The following ADARB1 variants were observed in gnomAD, a reference collection of about 807,000 sequenced individuals.
ADARB1 encodes the protein double-stranded RNA-specific editase 1.
ADARB1 carries 10 observed loss-of-function variants against 52.4 expected under a neutral mutation model. That is an observed-to-expected ratio of 0.19 (90% confidence interval 0.12 to 0.32). ADARB1 has a LOEUF of 0.32. Among genes scored for constraint, ADARB1 ranks in the 10% least tolerant of loss-of-function variants. ADARB1 has a pLI of 1.00. For synonymous variants in ADARB1, 349 were observed against 371.1 expected, an observed-to-expected ratio of 0.94 and a Z score of 0.68; for missense variants, 643 against 922.3, an observed-to-expected ratio of 0.70 and a Z score of 3.92.
At chr21:45,184,423 T>C (rs2092030810) in intron 7 of ADARB1, 1 of 197,022 alleles carries the variant, frequency 5.1e-6, no homozygotes, top group African/African-American at 2.4e-5. Flanking sequence ...GTTTGTGTTA[T>C]GTCCTTCCTA....
Position 45,205,262 on chromosome 21 carries a change from A to AAAAG in ADARB1, c.1747+550_1747+553dup, listed in dbSNP as rs3838132. Among the ~76,000 whole-genome samples, 1,154 of 151,630 alleles carry AAAAG rather than the reference A, an allele frequency of 7.6e-3. 8 individuals are homozygous for AAAAG. Among genetic ancestry groups the AAAAG allele is most frequent in the African/African-American group, 0.013 (552 of 41,168 alleles). On this transcript the variant is annotated intron_variant, in intron 9 of 10. Transcript: ENST00000348831. ...GACAACAGAGTGAGACCCTGTCTTT[A>AAAAG]AAAGAAAGAAAGAAAGAAAGAAAGA...
At chr21:45,085,460 G>T (rs2086303141) in intron 1 of ADARB1, among the ~76,000 whole-genome samples, 1 of 152,110 alleles carries the variant, frequency 6.6e-6, no homozygotes, top group African/African-American at 2.4e-5. Flanking sequence ...AGAAACTTCA[G>T]CGCCGTGGCT....
chr21:45,159,218 A>T (rs1184166250), intron 2 of ADARB1, among the ~76,000 whole-genome samples: 1 of 152,152 alleles, frequency 6.6e-6, no homozygotes, highest in Non-Finnish European at 1.5e-5. Flanking sequence ...GAACAAAGGG[A>T]CGTCTTATAT....
chr21:45,095,148 C>T (rs1454962480), intron 1 of ADARB1, among the ~76,000 whole-genome samples: 1 of 152,240 alleles, frequency 6.6e-6, no homozygotes, highest in Admixed American at 6.5e-5. Flanking sequence ...AACTAGCCAA[C>T]CTCTTGGATT....
rs2092946489 is a variant in ADARB1, at chr21:45,220,627, G to A, written c.1748-209G>A. 6.6e-6 allele frequency among the ~76,000 whole-genome samples: 1 copy of A among 152,224 alleles called. No individual in the cohort carries two copies. Among genetic ancestry groups the A allele is most frequent in the Non-Finnish European group, 1.5e-5 (1 of 68,050 alleles). On this transcript the variant is annotated intron_variant, in intron 9 of 10. Coordinates refer to ENST00000348831, the MANE Select transcript of ADARB1 (RefSeq NM_001112.4). This position sits in a 1 kb window ranked among gnomAD's most constrained non-coding sequence, Gnocchi z 6.3. ...CCCGTGGGTCAGTTCTGCTTTCTCA[G>A]CACTGCTCCTATTCTGGTGGCCGTG... is the stretch of plus-strand genomic sequence containing the variant.
intron 7 of ADARB1, chr21:45,184,688 C>G (rs1285632168): frequency 2.4e-6 from 1 of 412,620 alleles, no homozygotes; most frequent in African/African-American, 2.0e-5. Flanking sequence ...TGGGCTCAAG[C>G]GATCCACCTG....
intron 2 of ADARB1, among the ~76,000 whole-genome samples, chr21:45,131,663 C>T (rs1045028357): frequency 1.3e-5 from 2 of 152,226 alleles, no homozygotes; most frequent in African/African-American, 4.8e-5. Context: ...GCCTGACCGA[C>T]TGGTCAGGAA....
At chr21:45,083,802 C>G (rs912653219) in intron 1 of ADARB1, among the ~76,000 whole-genome samples, 2 of 152,196 alleles carry the variant, frequency 1.3e-5, no homozygotes, top group African/African-American at 4.8e-5. Flanking sequence ...TCAAGCGATC[C>G]TCCCGCCTCA....
At chr21:45,202,453 G>A (rs1294589210) in intron 8 of ADARB1, among the ~76,000 whole-genome samples, 2 of 152,134 alleles carry the variant, frequency 1.3e-5, no homozygotes, top group Non-Finnish European at 1.5e-5. Flanking sequence ...GCCCTGCTAG[G>A]TTCTTGAGGG....
At chr21:45,117,700 C>T (rs953477132) in intron 1 of ADARB1, among the ~76,000 whole-genome samples, 1 of 152,160 alleles carries the variant, frequency 6.6e-6, no homozygotes, top group Non-Finnish European at 1.5e-5. Context: ...AATGGATCAG[C>T]TATTGATAAG....
At chr21:45,165,936 G>A (rs1177849990) in intron 2 of ADARB1, among the ~76,000 whole-genome samples, 1 of 151,988 alleles carries the variant, frequency 6.6e-6, no homozygotes, top group Admixed American at 6.6e-5. Context: ...GGGGAAAATG[G>A]ATTTAATCCA....
At chr21:45,136,734 C>T (rs975351685) in intron 2 of ADARB1, among the ~76,000 whole-genome samples, 6 of 152,336 alleles carry the variant, frequency 3.9e-5, no homozygotes, top group African/African-American at 7.2e-5. Context: ...GCCGCTCTCC[C>T]CCAGGTTGCT....
chr21:45,212,190 G>A (rs540953245), intron 9 of ADARB1, among the ~76,000 whole-genome samples: 1 of 152,318 alleles, frequency 6.6e-6, no homozygotes, highest in East Asian at 1.9e-4. Context: ...TTATCCATTT[G>A]TTTATGAAAG....
chr21:45,154,319 T>G (rs1601632997), intron 2 of ADARB1, among the ~76,000 whole-genome samples: 1 of 152,354 alleles, frequency 6.6e-6, no homozygotes, highest in East Asian at 1.9e-4. Flanking sequence ...TGTTATGTGT[T>G]AGTTCTCGCT....
At chr21:45,170,599 T>A (rs1015786808) in intron 2 of ADARB1, among the ~76,000 whole-genome samples, 5 of 151,678 alleles carry the variant, frequency 3.3e-5, no homozygotes, top group Admixed American at 2.6e-4. Flanking sequence ...TTTTTAGATA[T>A]ATGATATTTG....
chr21:45,104,312 T>C (rs1381200829), intron 1 of ADARB1, among the ~76,000 whole-genome samples: 1 of 152,174 alleles, frequency 6.6e-6, no homozygotes, highest in African/African-American at 2.4e-5. Flanking sequence ...TGCTGTCAGC[T>C]TGGATTCCGG....
intron 9 of ADARB1, among the ~76,000 whole-genome samples, chr21:45,213,514 C>T (rs2092808026): frequency 6.6e-6 from 1 of 152,050 alleles, no homozygotes; most frequent in South Asian, 2.1e-4. Context: ...ATACTTAATC[C>T]ACTTCAAAAT....
rs74447934 is a variant in ADARB1, at chr21:45,180,123, C to T, written c.964-207C>T. Among the ~76,000 whole-genome samples, 1,045 of 152,336 alleles carry T rather than the reference C, an allele frequency of 6.9e-3. 16 individuals carry two copies. Among genetic ancestry groups the T allele is most frequent in the African/African-American group, 0.024 (995 of 41,576 alleles). On this transcript the variant is annotated intron_variant, in intron 4 of 10. Transcript: ENST00000348831. ...CGGGTGGCGAAGGACTCAGCCAGAG[C>T]CTGGCAGGATCCTGGGGTGTCTATT... is the stretch of plus-strand genomic sequence containing the variant.
At chr21:45,219,133 A>C (rs2092918780) in intron 9 of ADARB1, among the ~76,000 whole-genome samples, 1 of 152,250 alleles carries the variant, frequency 6.6e-6, no homozygotes, top group Admixed American at 6.5e-5. Flanking sequence ...AAAGATAAAA[A>C]AATGTTTAAA....
Sources: gnomAD v4.1 joint callset for allele counts (sites outside exome capture counted in the v4.1 genomes callset) on GRCh38, gnomAD v4.1.1 for gene constraint, Gnocchi (gnomAD v3.1) non-coding constraint, MANE v1.5 for transcripts, NCBI Gene and HGNC (gene_info 2026-07-23, HGNC 2026-07-21) for gene names.